The following DNAH10 variants were observed in gnomAD, a reference collection of about 807,000 sequenced individuals.
The protein encoded by DNAH10 is dynein axonemal heavy chain 10.
In DNAH10, 348 loss-of-function variants were observed where a neutral mutation model predicts 506.6. The ratio of observed to expected loss-of-function variants is 0.69; its 90% CI spans 0.63 to 0.75. The LOEUF (loss-of-function observed/expected upper bound fraction) is 0.75. Ranked by LOEUF, DNAH10 falls within the 30% of genes least tolerant of loss-of-function variation. The pLI is 0.00. For missense variants in DNAH10, 5,179 were observed against 5,787.1 expected (o/e 0.89, Z 3.41); for synonymous variants, 2,059 against 2,198.6 (o/e 0.94, Z 1.78).
intron 28 of DNAH10, 76 bp from the exon 29 acceptor site, chr12:123,838,380 C>T: frequency 7.4e-7 from 1 of 1,353,810 alleles, no homozygotes; most frequent in Non-Finnish European, 1.0e-6. Context: ...TGGTGAGTGC[C>T]TGTTCTGGGC....
At chr12:123,848,205 T>C (rs1310210389) in intron 33 of DNAH10, 110 bp downstream of exon 33, 6 of 1,455,484 alleles carry the variant, frequency 4.1e-6, no homozygotes, top group Admixed American at 2.2e-5. Context: ...AAGAAGCTAG[T>C]AGAAAACCTT....
chr12:123,839,575 G>A (rs1950691219), intron 29 of DNAH10, among the ~76,000 whole-genome samples: 1 of 151,416 alleles, frequency 6.6e-6, no homozygotes, highest in Admixed American at 6.6e-5. Flanking sequence ...AGTCATATTT[G>A]GTTTGTCTCT....
At chr12:123,796,569 T>C in intron 12 of DNAH10, 87 bp from the exon 13 acceptor site, 1 of 1,249,068 alleles carries the variant, frequency 8.0e-7, no homozygotes, top group Non-Finnish European at 1.1e-6. Context: ...CATTCCACTT[T>C]TGGTTTCCTT....
intron 56 of DNAH10, among the ~76,000 whole-genome samples, chr12:123,901,138 A>G (rs1447519706): frequency 6.6e-6 from 1 of 152,198 alleles, no homozygotes; most frequent in East Asian, 1.9e-4. Flanking sequence ...GCTCCTCAGC[A>G]TGACTCAAGC....
At position 123,935,415 on chromosome 12, in the gene DNAH10, CT is replaced by C. The variant is rs750611348; in HGVS notation, c.13707del (p.Phe4569LeufsTer18). On this transcript the variant is annotated frameshift_variant, in exon 79 of 79. Transcript: ENST00000673944. LOFTEE classifies it high-confidence loss of function. Reference protein sequence around the residue: ...GVGLVFEADLFTTRHISHWVL... With the variant: ...GVGLVFEADLXTTRHISHWVL... ...TCGGCTTGGTTTTTGAAGCTGATCT[CT>C]TTACCACGAGGCACATTTCTCACTG... The C allele has an allele frequency of 6.2e-7, 1 of 1,611,174 alleles. No individual in the cohort carries two copies. Among genetic ancestry groups the C allele is most frequent in the Non-Finnish European group, 8.5e-7 (1 of 1,177,442 alleles).
chr12:123,888,502 CA>C (rs1952837732), intron 52 of DNAH10, among the ~76,000 whole-genome samples: 1 of 152,160 alleles, frequency 6.6e-6, no homozygotes, highest in South Asian at 2.1e-4. Flanking sequence ...AGATTTGAGA[CA>C]CAGAGAATAA....
Position 123,924,428 on chromosome 12 carries a change from A to G in DNAH10, c.11762A>G (p.Gln3921Arg), listed in dbSNP as rs367808478. Reference protein sequence around the residue: ...DDVENNQTVWQEWYDLDSLEQ... With the variant: ...DDVENNQTVWREWYDLDSLEQ... ...GTTGAGAATAATCAGACTGTCTGGC[A>G]GGAGGTGAGCCCACGTTCCCTTTCT... The change falls in exon 67 of 79, where the codon CAG becomes CGG. Residue 3921 changes from glutamine to arginine, a missense_variant. Transcript: ENST00000673944. 3 of 1,611,692 alleles carry G rather than the reference A, an allele frequency of 1.9e-6. No homozygotes were observed. Among genetic ancestry groups the G allele is most frequent in the Non-Finnish European group, 2.5e-6 (3 of 1,178,058 alleles).
At chr12:123,877,622 A>G (rs1413592404) in intron 47 of DNAH10, 114 bp from the exon 48 acceptor site, 1 of 1,390,456 alleles carries the variant, frequency 7.2e-7, no homozygotes, top group African/African-American at 1.5e-5. Flanking sequence ...GGCCAACTTC[A>G]TTCCTTTCTA....
Position 123,881,675 on chromosome 12 carries a change from C to G in DNAH10, c.8685C>G (p.Leu2895=). 6.5e-7 allele frequency: 1 copy of G among 1,544,928 alleles called. No homozygotes were observed. The highest frequency in any genetic ancestry group is 8.7e-7 in the Non-Finnish European group (1 of 1,144,892). Residue 2895 remains leucine, a synonymous_variant, in exon 51 of 79, where the codon CTC becomes CTG. Coordinates refer to ENST00000673944, the MANE Select transcript of DNAH10 (RefSeq NM_001372106.1). ...NESNTKMNLV[L]FDDALEHLTR... Reference sequence around the variant, plus strand: ...GCAACACCAAAATGAACTTGGTTCTCTTCGACGATGCTCTGGAGCATTTAA... The same window carrying G: ...GCAACACCAAAATGAACTTGGTTCTGTTCGACGATGCTCTGGAGCATTTAA...
At chr12:123,766,961 A>G (rs546696304) in intron 1 of DNAH10, among the ~76,000 whole-genome samples, 3 of 145,008 alleles carry the variant, frequency 2.1e-5, no homozygotes, top group East Asian at 4.1e-4. Context: ...GCTGGAGTGC[A>G]GTGGTGTGAT....
intron 18 of DNAH10, among the ~76,000 whole-genome samples, chr12:123,806,924 C>T (rs539881309): frequency 3.9e-5 from 6 of 152,214 alleles, no homozygotes; most frequent in East Asian, 1.9e-4. Context: ...CCCACCATCA[C>T]GCCCAGCTAA....
chr12:123,929,845 G>C, intron 72 of DNAH10, 86 bp downstream of exon 72: 1 of 1,221,964 alleles, frequency 8.2e-7, no homozygotes, highest in Non-Finnish European at 1.2e-6. Context: ...TGAGCCCTCA[G>C]AACCAGCCTC....
Position 123,926,236 on chromosome 12 carries a change from TTA to T in DNAH10, c.11922-400_11922-399del, listed in dbSNP as rs1491133213. Reference sequence around the variant, plus strand: ...ACAGAGTGAGATTATATATTTCAATTTAAAAAAAAAAAAAAAAAAGAAAAAGA... The same window carrying T: ...ACAGAGTGAGATTATATATTTCAATTAAAAAAAAAAAAAAAAAGAAAAAGA... On this transcript the variant is annotated intron_variant, in intron 68 of 78. Coordinates refer to ENST00000673944, the MANE Select transcript of DNAH10 (RefSeq NM_001372106.1). This position sits in a 1 kb window ranked among gnomAD's most constrained non-coding sequence, Gnocchi z 4.1. Among the ~76,000 whole-genome samples, 4 of 138,678 alleles carry T rather than the reference TTA, an allele frequency of 2.9e-5. No individual in the cohort carries two copies. Among genetic ancestry groups the T allele is most frequent in the African/African-American group, 8.7e-5 (3 of 34,310 alleles). The allele number at this position is 138,678 out of a possible 152,430, so 91.0% of individuals were successfully genotyped here. A position where few individuals can be genotyped will look rare whatever the true frequency, so the allele number is the denominator to read the frequency against.
At chr12:123,924,239 T>C (rs1465796178) in intron 66 of DNAH10, 39 bp from the exon 67 acceptor site, 2 of 1,571,422 alleles carry the variant, frequency 1.3e-6, no homozygotes, top group South Asian at 1.2e-5. Context: ...TTTGTGTTAG[T>C]GGTACAATGG....
chr12:123,856,296 A>G (rs1462644003), intron 36 of DNAH10, among the ~76,000 whole-genome samples: 1 of 149,522 alleles, frequency 6.7e-6, no homozygotes, highest in Non-Finnish European at 1.5e-5. Flanking sequence ...TTAAATATAT[A>G]TGTATGTGTA....
At chr12:123,801,497 T>C in intron 16 of DNAH10, 65 bp downstream of exon 16, 3 of 1,544,528 alleles carry the variant, frequency 1.9e-6, no homozygotes, top group Non-Finnish European at 2.6e-6. Context: ...TTTAGGTTGT[T>C]TTATTTGAAT....
At chr12:123,915,039 C>A in intron 62 of DNAH10, 40 bp downstream of exon 62, 4 of 1,565,240 alleles carry the variant, frequency 2.6e-6, no homozygotes, top group Non-Finnish European at 2.6e-6. Flanking sequence ...GCCCCCTATT[C>A]CTGTTCTCTG....
intron 56 of DNAH10, among the ~76,000 whole-genome samples, chr12:123,899,688 A>G (rs1383106930): frequency 6.6e-6 from 1 of 152,210 alleles, no homozygotes; most frequent in South Asian, 2.1e-4. Context: ...ATCAGCCAAT[A>G]TAAAGACTGA....
intron 19 of DNAH10, among the ~76,000 whole-genome samples, chr12:123,811,835 C>T (rs1040593637): frequency 4.5e-4 from 68 of 151,524 alleles, no homozygotes; most frequent in African/African-American, 1.3e-3. Context: ...GACAGGGTTT[C>T]GCTATTTTGG....
Sources: gnomAD v4.1 joint callset for allele counts (sites outside exome capture counted in the v4.1 genomes callset) on GRCh38, gnomAD v4.1.1 for gene constraint, Gnocchi (gnomAD v3.1) non-coding constraint, MANE v1.5 for transcripts, NCBI Gene and HGNC (gene_info 2026-07-23, HGNC 2026-07-21) for gene names.